Variants in FSD2 observed in about 807,000 individuals in gnomAD.
The protein encoded by FSD2 is fibronectin type III and SPRY domain containing 2, also known as fibronectin type III and SPRY domain-containing protein 2.
Under a neutral mutation model 80.4 loss-of-function variants are expected in FSD2, and 71 were observed. The ratio of observed to expected loss-of-function variants is 0.88; its 90% CI spans 0.73 to 1.08. The LOEUF is 1.08. FSD2 is among the 50% of genes least tolerant of loss of function. FSD2 has a pLI of 0.00. For synonymous variants in FSD2, 361 were observed against 329.5 expected (o/e 1.10, Z -1.03); for missense variants, 923 against 913.8 (o/e 1.01, Z -0.13).
rs1429292591 is a variant in FSD2 at position 82,787,396 on chromosome 15, C to G, written c.-6G>C. ...TCCCCCGATTCCTCCTCCATTGTAA[C>G]TCTGGAAGTCCTCAGAAGCACCTTT... On this transcript the variant is annotated 5_prime_UTR_variant, in exon 2 of 13. Transcript: ENST00000334574. The G allele has an allele frequency of 2.5e-6, 4 of 1,590,500 alleles. No individual in the cohort carries two copies. The highest frequency in any genetic ancestry group is 1.2e-5 in the South Asian group (1 of 86,922).
chr15:82,766,140 C>CTTCTGA, intron 9 of FSD2, 109 bp from the exon 10 acceptor site: 1 of 1,226,686 alleles, frequency 8.2e-7, no homozygotes, highest in Non-Finnish European at 1.1e-6. Flanking sequence ...GCGCTCCTGT[C>CTTCTGA]CTCTGACCCA....
At position 82,768,907 on chromosome 15, in the gene FSD2, T is replaced by C. The variant is rs2049489728; in HGVS notation, c.1526A>G (p.Glu509Gly). Residue 509 changes from glutamate (E) to glycine (G), a missense_variant, in exon 9 of 13, where the codon GAA becomes GGA. Physicochemically the swap from Glu to Gly is moderately conservative, Grantham distance 98. Transcript: ENST00000334574. The stretch of plus-strand genomic sequence containing the variant: ...AGTTACACCCGAGGCTTCTGGACTT[T>C]CAGCCTGGGTCAGCTCCACAGTGTA... ...DSYTVELTQA[E>G]SPEASGVTES... 1 of 1,574,496 alleles carries C rather than the reference T, an allele frequency of 6.4e-7. No individual in the cohort carries two copies. The highest frequency in any genetic ancestry group is 1.4e-5 in the African/African-American group (1 of 73,298).
In FSD2 at chr15:82,759,111, G is replaced by C. The variant is rs1207787878; in HGVS notation, c.*237C>G. ...AAAGACTTTTGAGTTCGTTTAGTCT[G>C]AGCCTTTATTTTACAGCTGGGCCTG... On this transcript the variant is annotated 3_prime_UTR_variant, in exon 13 of 13. Coordinates refer to ENST00000334574, the MANE Select transcript of FSD2 (RefSeq NM_001007122.4). 4.0e-6 allele frequency: 2 copies of C among 506,114 alleles called. No homozygotes were observed. Among genetic ancestry groups the C allele is most frequent in the Non-Finnish European group, 7.0e-6 (2 of 284,806 alleles). The allele number at this position is 506,114 out of a possible 1,614,324, so 31.4% of individuals were successfully genotyped here. A position where few individuals can be genotyped will look rare whatever the true frequency, so the allele number is the denominator to read the frequency against.
intron 1 of FSD2, among the ~76,000 whole-genome samples, chr15:82,797,691 T>C (rs1263282347): frequency 6.6e-6 from 1 of 152,134 alleles, no homozygotes; most frequent in Non-Finnish European, 1.5e-5. Flanking sequence ...GCGCCTGTAG[T>C]CCCAGCTACT....
intron 6 of FSD2, among the ~76,000 whole-genome samples, chr15:82,778,158 A>ATATATATATATATATATATATGTATATAT (rs1482215584): frequency 7.7e-6 from 1 of 129,068 alleles, no homozygotes; most frequent in African/African-American, 3.3e-5. Context: ...ATATATATAT[A>ATATATATATATATATATATATGTATATAT]ATAACTATTA....
intron 9 of FSD2, among the ~76,000 whole-genome samples, chr15:82,767,822 G>A (rs1367805012): frequency 6.6e-6 from 1 of 152,166 alleles, no homozygotes; most frequent in Non-Finnish European, 1.5e-5. Context: ...TTTCAAGCCT[G>A]GCATTTAGCA....
intron 1 of FSD2, among the ~76,000 whole-genome samples, chr15:82,803,931 C>G (rs2050471773): frequency 6.6e-6 from 1 of 152,128 alleles, no homozygotes; most frequent in African/African-American, 2.4e-5. Flanking sequence ...TAAAACAGCT[C>G]TATTAACAGT....
In FSD2 at chr15:82,759,501, CT is replaced by C; in HGVS notation, c.2096del (p.Lys699SerfsTer36). On this transcript the variant is annotated frameshift_variant, in exon 13 of 13. Transcript: ENST00000334574. LOFTEE classifies it high-confidence loss of function. Reference sequence around the variant, plus strand: ...AAAGGTCCACATTGAAAAATGACAACTTTGAATGTTCATAGTCTAATAGAAT... The same window carrying C: ...AAAGGTCCACATTGAAAAATGACAACTTGAATGTTCATAGTCTAATAGAAT... ...IGILLDYEHS[K>X]LSFFNVDLSQ... 1 of 1,612,608 alleles carries C rather than the reference CT, an allele frequency of 6.2e-7. No homozygotes were observed. Among genetic ancestry groups the C allele is most frequent in the South Asian group, 1.1e-5 (1 of 90,758 alleles).
chr15:82,786,438 C>T (rs1020282769), intron 3 of FSD2, 73 bp downstream of exon 3: 36 of 1,141,004 alleles, frequency 3.2e-5, no homozygotes, highest in Non-Finnish European at 4.0e-5. Flanking sequence ...TAGCTCATAC[C>T]AGAAACAGCT....
intron 6 of FSD2, among the ~76,000 whole-genome samples, chr15:82,778,158 A>ATATATATATATATATATATATATATAT (rs1482215584): frequency 3.9e-5 from 5 of 129,036 alleles, no homozygotes; most frequent in African/African-American, 1.3e-4. Flanking sequence ...ATATATATAT[A>ATATATATATATATATATATATATATAT]ATAACTATTA....
Position 82,786,762 on chromosome 15 carries a change from T to A in FSD2, c.629A>T (p.Glu210Val). The change falls in exon 2 of 13, where the codon GAA becomes GTA. Residue 210 changes from glutamate to valine, a missense_variant. By Grantham distance (121) the Glu-to-Val change is moderately radical (BLOSUM62 -2). Transcript: ENST00000334574. ...HEVIPLNEAL[E>V]SAKDEIHKNM... ...AGGACACCTATTTACCTTGGCACTTTCCAGTGCTTCATTGAGTGGGATCAC... is the reference window on the plus strand; with the variant it reads ...AGGACACCTATTTACCTTGGCACTTACCAGTGCTTCATTGAGTGGGATCAC... 1.2e-6 allele frequency: 2 copies of A among 1,613,488 alleles called. No individual in the cohort carries two copies. The highest frequency in any genetic ancestry group is 1.7e-6 in the Non-Finnish European group (2 of 1,179,558).
intron 7 of FSD2, among the ~76,000 whole-genome samples, chr15:82,771,519 G>A (rs1220624759): frequency 6.6e-6 from 1 of 152,232 alleles, no homozygotes; most frequent in African/African-American, 2.4e-5. Flanking sequence ...CATTTCCGGG[G>A]AAAAGGATGT....
intron 6 of FSD2, among the ~76,000 whole-genome samples, chr15:82,778,157 T>TAA (rs1555478177): frequency 3.1e-5 from 4 of 129,890 alleles, no homozygotes; most frequent in East Asian, 2.1e-4. Context: ...TATATATATA[T>TAA]AATAACTATT....
At chr15:82,788,597 A>T (rs2050065981) in intron 1 of FSD2, among the ~76,000 whole-genome samples, 1 of 151,810 alleles carries the variant, frequency 6.6e-6, no homozygotes, top group Non-Finnish European at 1.5e-5. Flanking sequence ...ATCAAAAGTG[A>T]TACCCGCAGC....
intron 7 of FSD2, among the ~76,000 whole-genome samples, chr15:82,770,335 A>G (rs949165110): frequency 1.6e-4 from 24 of 152,166 alleles, no homozygotes; most frequent in African/African-American, 5.1e-4. Flanking sequence ...GCCCTATCCA[A>G]GGTGGTTCAG....
At position 82,769,951 on chromosome 15, in the gene FSD2, G is replaced by A. The variant is rs142759740; in HGVS notation, c.1268-67C>T. On this transcript the variant is annotated intron_variant, in intron 7 of 12. Transcript: ENST00000334574. ...CCAAGTGGCTCCAATTCATTATGCC[G>A]AATCCCACAGTAGTAGATTACAAAA... The A allele has an allele frequency of 8.5e-5, 134 of 1,575,736 alleles. 1 individual carries two copies. The East Asian group carries it at 2.7e-3, about 32-fold the overall frequency.
In FSD2 at chr15:82,805,538, T is replaced by C. The variant is rs189762870; in HGVS notation, c.-79+428A>G. Among the ~76,000 whole-genome samples the C allele has an allele frequency of 1.6e-3, 239 of 152,320 alleles. 2 individuals are homozygous for C. Among genetic ancestry groups the C allele is most frequent in the Non-Finnish European group, 1.1e-3 (77 of 68,036 alleles). ...AAATAATTACGATGCTGTTTTTTAG[T>C]ATTTGAATCAATGCATGAAGTTATT... is the stretch of plus-strand genomic sequence containing the variant. On this transcript the variant is annotated intron_variant, in intron 1 of 12. Coordinates refer to ENST00000334574, the MANE Select transcript of FSD2 (RefSeq NM_001007122.4).
chr15:82,791,059 C>G (rs900017949), intron 1 of FSD2, among the ~76,000 whole-genome samples: 2 of 151,654 alleles, frequency 1.3e-5, no homozygotes, highest in East Asian at 3.9e-4. Flanking sequence ...AGTGCAGTGG[C>G]GCGATCTTAG....
chr15:82,803,294 T>C (rs908180092), intron 1 of FSD2, among the ~76,000 whole-genome samples: 1 of 152,166 alleles, frequency 6.6e-6, no homozygotes, highest in African/African-American at 2.4e-5. Context: ...CTGCCCAGGA[T>C]AGCAGCATAG....
Sources: gnomAD v4.1 joint callset for allele counts (sites outside exome capture counted in the v4.1 genomes callset) on GRCh38, gnomAD v4.1.1 for gene constraint, MANE v1.5 for transcripts, NCBI Gene and HGNC (gene_info 2026-07-23, HGNC 2026-07-21) for gene names.